The following SIM1 variants were observed in gnomAD, a reference collection of about 807,000 sequenced individuals.
SIM1 encodes the protein SIM bHLH transcription factor 1.
A neutral mutation model predicts 78.2 loss-of-function variants in SIM1; 18 were observed. That is an observed-to-expected ratio of 0.23 (90% CI 0.16 to 0.34). The LOEUF is 0.34. SIM1 is among the 10% of genes least tolerant of loss of function. SIM1 has a pLI of 1.00. For synonymous variants in SIM1, 417 were observed against 385.2 expected (o/e 1.08, Z -0.97); for missense variants, 939 against 975.1 (o/e 0.96, Z 0.49).
chr6:100,391,670 G>A (rs1770642627), intron 11 of SIM1, among the ~76,000 whole-genome samples: 1 of 152,050 alleles, frequency 6.6e-6, no homozygotes, highest in Admixed American at 6.6e-5. Context: ...AAGCTCTAAT[G>A]TTCATTTTTA....
intron 10 of SIM1, 53 bp downstream of exon 10, chr6:100,420,737 G>A: frequency 6.5e-7 from 1 of 1,546,530 alleles, no homozygotes; most frequent in Non-Finnish European, 8.9e-7. Context: ...TCAACTTCAA[G>A]TTCAAACCAT....
chr6:100,453,296 C>G (rs1772560436), intron 3 of SIM1, among the ~76,000 whole-genome samples: 1 of 152,196 alleles, frequency 6.6e-6, no homozygotes, highest in Non-Finnish European at 1.5e-5. Context: ...GGACACAAAA[C>G]CAGTTGCAGA....
At chr6:100,410,631 G>T (rs2114487608) in intron 10 of SIM1, among the ~76,000 whole-genome samples, 1 of 152,308 alleles carries the variant, frequency 6.6e-6, no homozygotes, top group South Asian at 2.1e-4. Flanking sequence ...GGGCAGGCTT[G>T]GCAGGTGGAC....
At chr6:100,424,893 C>T (rs2114509773) in intron 9 of SIM1, among the ~76,000 whole-genome samples, 2 of 152,342 alleles carry the variant, frequency 1.3e-5, no homozygotes, top group South Asian at 4.1e-4. Context: ...AATAGTTTCA[C>T]TTTGGTAGTG....
At position 100,448,215 on chromosome 6, in the gene SIM1, T is replaced by C. The variant is rs1412173833; in HGVS notation, c.781A>G (p.Ile261Val). The C allele has an allele frequency of 6.2e-7, 1 of 1,613,866 alleles. No individual in the cohort carries two copies. Among genetic ancestry groups the C allele is most frequent in the East Asian group, 2.2e-5 (1 of 44,872 alleles). Residue 261 changes from isoleucine (I) to valine (V), a missense_variant, in exon 8 of 12, where the codon ATT becomes GTT. Physicochemically the swap from Ile to Val is conservative, Grantham distance 29 (BLOSUM62 3). Transcript: ENST00000369208. Reference sequence around the variant, plus strand: ...ACATGGTGGTACAGAGTCTTCTCAATCAGGTCCTGAGGTTCGTACCCCGTC... The same window carrying C: ...ACATGGTGGTACAGAGTCTTCTCAACCAGGTCCTGAGGTTCGTACCCCGTC... ...ELTGYEPQDL[I>V]EKTLYHHVHG...
chr6:100,453,805 G>A lies in SIM1; in HGVS notation c.215C>T (p.Pro72Leu). Residue 72 changes from proline to leucine, a missense_variant, in exon 3 of 12, where the codon CCC becomes CTC. By Grantham distance (98) the Pro-to-Leu change is moderately conservative. Coordinates refer to ENST00000369208, the MANE Select transcript of SIM1 (RefSeq NM_005068.3). ...CAGTTCTCGGCCAACGTTGTCCAGG[G>A]GGCTGGTCCGACTTGAGTGGCCCCA... ...EAWGHSSRTS[P>L]LDNVGRELGS... 6.2e-7 allele frequency: 1 copy of A among 1,612,272 alleles called. No homozygotes were observed. The highest frequency in any genetic ancestry group is 1.3e-5 in the African/African-American group (1 of 74,844).
chr6:100,402,543 T>C (rs1428675105), intron 10 of SIM1, among the ~76,000 whole-genome samples: 3 of 150,290 alleles, frequency 2.0e-5, no homozygotes, highest in African/African-American at 7.3e-5. Context: ...TTCTTGGTAT[T>C]GACATTATTT....
chr6:100,447,214 C>T (rs1772378992), intron 9 of SIM1, 54 bp downstream of exon 9: 3 of 1,580,566 alleles, frequency 1.9e-6, no homozygotes, highest in African/African-American at 1.3e-5. Flanking sequence ...CCCGCACTCT[C>T]GCAGAGAGCA....
chr6:100,431,358 T>C (rs1211147696), intron 9 of SIM1, among the ~76,000 whole-genome samples: 1 of 152,236 alleles, frequency 6.6e-6, no homozygotes, highest in Non-Finnish European at 1.5e-5. Flanking sequence ...GATTCATTTA[T>C]TTCTAATCTC....
At chr6:100,419,943 C>T (rs1771523827) in intron 10 of SIM1, among the ~76,000 whole-genome samples, 1 of 152,002 alleles carries the variant, frequency 6.6e-6, no homozygotes. Flanking sequence ...GCCCAGCCTC[C>T]AGTTTGGTTT....
intron 2 of SIM1, among the ~76,000 whole-genome samples, chr6:100,462,378 G>C (rs1271348737): frequency 6.6e-6 from 1 of 152,176 alleles, no homozygotes; most frequent in South Asian, 2.1e-4. Flanking sequence ...TTGAATCCAA[G>C]TAAAGGAAAA....
intron 10 of SIM1, among the ~76,000 whole-genome samples, chr6:100,418,035 T>C (rs926534866): frequency 5.3e-5 from 8 of 152,180 alleles, no homozygotes; most frequent in Non-Finnish European, 1.5e-5. Context: ...TGCATGTGCA[T>C]TTCATAGAAC....
chr6:100,420,859 G>T lies in SIM1; in HGVS notation c.1098C>A (p.Asp366Glu), dbSNP rs755575676. Residue 366 changes from aspartate (D) to glutamate (E), a missense_variant, in exon 10 of 12, where the codon GAC becomes GAA. By Grantham distance (45) the Asp-to-Glu change is conservative (BLOSUM62 2). This residue lies in a region of SIM1 where 556 missense variants were observed against 521.9 expected (regional missense o/e 1.07). Transcript: ENST00000369208. The stretch of plus-strand genomic sequence containing the variant: ...GCCGGGATTTGGCCCCCTTTCTGTT[G>T]TCAGTCATGGTGGGGGTGGAGCTGC... Reference protein sequence around the residue: ...YTSSSTPTMTDNRKGAKSRLS... With the variant: ...YTSSSTPTMTENRKGAKSRLS... 6.2e-7 allele frequency: 1 copy of T among 1,614,096 alleles called. No individual in the cohort carries two copies. Among genetic ancestry groups the T allele is most frequent in the Non-Finnish European group, 8.5e-7 (1 of 1,180,014 alleles).
At chr6:100,400,019 A>G (rs886838727) in intron 10 of SIM1, among the ~76,000 whole-genome samples, 21 of 152,042 alleles carry the variant, frequency 1.4e-4, no homozygotes, top group African/African-American at 4.8e-4. Context: ...ACAAAACAAA[A>G]GACATTTTAT....
chr6:100,448,558 C>G lies in SIM1; in HGVS notation c.664G>C (p.Val222Leu). The G allele has an allele frequency of 6.2e-7, 1 of 1,614,142 alleles. No homozygotes were observed. The highest frequency in any genetic ancestry group is 8.5e-7 in the Non-Finnish European group (1 of 1,180,032). ...AVGHSLPPSA[V>L]TEIKLHSNMF... ...TTGCTGTGTAGCTTGATCTCCGTGACGGCGCTGGGAGGCAGCGAGTGGCCC... is the reference window on the plus strand; with the variant it reads ...TTGCTGTGTAGCTTGATCTCCGTGAGGGCGCTGGGAGGCAGCGAGTGGCCC... The change falls in exon 7 of 12, where the codon GTC (valine) becomes CTC (leucine). Residue 222 changes from valine (V) to leucine (L), a missense_variant. Val to Leu is a conservative substitution (Grantham distance 32, BLOSUM62 1). Coordinates refer to ENST00000369208, the MANE Select transcript of SIM1 (RefSeq NM_005068.3).
At chr6:100,454,440 C>G (rs990017587) in intron 2 of SIM1, among the ~76,000 whole-genome samples, 3 of 152,180 alleles carry the variant, frequency 2.0e-5, no homozygotes, top group African/African-American at 7.2e-5. Context: ...TTACCAGCAT[C>G]CCTGTTCAAC....
rs542446432 is a variant in SIM1, at chr6:100,449,519, C to T, written c.458-71G>A. 6.4e-5 allele frequency: 101 copies of T among 1,582,610 alleles called. No homozygotes were observed. In the African/African-American group the frequency reaches 1.0e-3, roughly 16 times the overall value. On this transcript the variant is annotated intron_variant, in intron 5 of 11. Coordinates refer to ENST00000369208, the MANE Select transcript of SIM1 (RefSeq NM_005068.3). ...GGCGTGGGACAGCACGCGTCTCTGC[C>T]ACGACTAATTGGGGAAAAACCACAA...
At chr6:100,428,844 A>G (rs1399039134) in intron 9 of SIM1, among the ~76,000 whole-genome samples, 1 of 152,152 alleles carries the variant, frequency 6.6e-6, no homozygotes, top group Non-Finnish European at 1.5e-5. Flanking sequence ...TAACAATAAA[A>G]ATTGGTAATA....
At chr6:100,425,627 A>C (rs1390674012) in intron 9 of SIM1, among the ~76,000 whole-genome samples, 1 of 152,162 alleles carries the variant, frequency 6.6e-6, no homozygotes, top group Non-Finnish European at 1.5e-5. Context: ...TTACTTTTAG[A>C]ATTCTATTAA....
Sources: allele counts gnomAD v4.1 joint callset (sites outside exome capture counted in the v4.1 genomes callset), GRCh38; gene constraint gnomAD v4.1.1; regional missense constraint gnomAD v4.1.1; transcripts MANE v1.5; gene names NCBI Gene and HGNC (gene_info 2026-07-23, HGNC 2026-07-21).